FGGY: variants seen among roughly 807,000 people sequenced by gnomAD.
FGGY encodes FGGY carbohydrate kinase domain-containing protein.
FGGY carries 72 observed loss-of-function variants against 71.3 expected under a neutral mutation model. The ratio of observed to expected loss-of-function variants is 1.01; its 90% confidence interval spans 0.84 to 1.23. The LOEUF (loss-of-function observed/expected upper bound fraction) is 1.23. Among genes scored for constraint, FGGY ranks in the 50% most tolerant of loss-of-function variants. The pLI is 0.00. For missense variants in FGGY, 668 were observed against 682.3 expected (o/e 0.98, Z 0.23); for synonymous variants, 251 against 250.3 (o/e 1.00, Z -0.02).
intron 5 of FGGY, among the ~76,000 whole-genome samples, chr1:59,427,038 G>C (rs1017824323): frequency 3.9e-5 from 6 of 152,168 alleles, no homozygotes; most frequent in Non-Finnish European, 8.8e-5. Context: ...CTGCAAACAG[G>C]ATAAGCCTGA....
chr1:59,534,695 G>T (rs1287980327), intron 7 of FGGY, among the ~76,000 whole-genome samples: 5 of 151,616 alleles, frequency 3.3e-5, no homozygotes, highest in Non-Finnish European at 7.4e-5. Flanking sequence ...TTAAAGAAAA[G>T]AATTTTCAAC....
chr1:59,597,005 C>A (rs546961345), intron 8 of FGGY, among the ~76,000 whole-genome samples: 13 of 152,266 alleles, frequency 8.5e-5, no homozygotes, highest in Admixed American at 5.9e-4. Context: ...TTGATAAACA[C>A]CTCTCAGTTC....
intron 11 of FGGY, among the ~76,000 whole-genome samples, chr1:59,648,647 T>C (rs1291916969): frequency 4.7e-5 from 7 of 150,476 alleles, no homozygotes; most frequent in Admixed American, 2.0e-4. Context: ...TTCTGGATAT[T>C]AGCCCTTTGT....
chr1:59,548,215 G>A lies in FGGY; in HGVS notation c.800-5909G>A, dbSNP rs642684. Among the ~76,000 whole-genome samples, 1,098 of 152,256 alleles carry A rather than the reference G, an allele frequency of 7.2e-3. 21 individuals are homozygous for A. The highest frequency in any genetic ancestry group is 0.026 in the African/African-American group (1,060 of 41,538). On this transcript the variant is annotated intron_variant, in intron 7 of 15. Coordinates refer to ENST00000303721, the MANE Select transcript of FGGY (RefSeq NM_018291.5). Reference sequence around the variant, plus strand: ...GTGTTCCCCAGGATTGTTATGGGATGAGGTGTATTGGTGGAAAGGATATCC... The same window carrying A: ...GTGTTCCCCAGGATTGTTATGGGATAAGGTGTATTGGTGGAAAGGATATCC...
intron 14 of FGGY, among the ~76,000 whole-genome samples, chr1:59,737,831 A>G (rs2098118270): frequency 6.6e-6 from 1 of 152,264 alleles, no homozygotes; most frequent in East Asian, 1.9e-4. Flanking sequence ...AAATGTGAGG[A>G]CATGTGATTT....
intron 3 of FGGY, among the ~76,000 whole-genome samples, chr1:59,345,426 T>A (rs1377261856): frequency 6.6e-6 from 1 of 151,866 alleles, no homozygotes; most frequent in East Asian, 1.9e-4. Flanking sequence ...GGGAGAGAGA[T>A]AAGGAGTTAC....
At position 59,759,467 on chromosome 1, in the gene FGGY, G is replaced by C. The variant is rs543124393; in HGVS notation, c.1574+1475G>C. On this transcript the variant is annotated intron_variant, in intron 15 of 15. Coordinates refer to ENST00000303721, the MANE Select transcript of FGGY (RefSeq NM_018291.5). The stretch of plus-strand genomic sequence containing the variant: ...GAGCATCCCTCTTTTTGTGAAATTA[G>C]AAAGATTGTCTTTCTCCATCTCTTC... Among the ~76,000 whole-genome samples the C allele has an allele frequency of 2.6e-5, 4 of 152,294 alleles. No homozygotes were observed. The East Asian group carries it at 7.7e-4, about 29-fold the overall frequency.
intron 9 of FGGY, among the ~76,000 whole-genome samples, chr1:59,611,918 A>G (rs1043691240): frequency 6.6e-6 from 1 of 152,258 alleles, no homozygotes; most frequent in African/African-American, 2.4e-5. Context: ...GATCAAATGA[A>G]TGAAATGAAG....
chr1:59,532,579 T>C (rs2095176735), intron 7 of FGGY, among the ~76,000 whole-genome samples: 1 of 152,224 alleles, frequency 6.6e-6, no homozygotes, highest in Non-Finnish European at 1.5e-5. Context: ...AACAGTTGTT[T>C]ACAAATGCTT....
intron 14 of FGGY, among the ~76,000 whole-genome samples, chr1:59,683,436 T>C (rs1162759791): frequency 6.6e-6 from 1 of 152,206 alleles, no homozygotes; most frequent in African/African-American, 2.4e-5. Context: ...CTATGTTCTG[T>C]ATACATATGC....
Position 59,620,227 on chromosome 1 carries a change from T to C in FGGY, c.1012-5761T>C, listed in dbSNP as rs2096794571. Among the ~76,000 whole-genome samples the C allele has an allele frequency of 2.6e-5, 4 of 152,096 alleles. No individual in the cohort carries two copies. The South Asian group carries it at 6.2e-4, about 24-fold the overall frequency. On this transcript the variant is annotated intron_variant, in intron 9 of 15. Transcript: ENST00000303721. Reference sequence around the variant, plus strand: ...TAAAGCCAAAAAATAAAATAAAAAATTAGGATTAATTCTTGACTCTTCCTT... The same window carrying C: ...TAAAGCCAAAAAATAAAATAAAAAACTAGGATTAATTCTTGACTCTTCCTT...
chr1:59,646,504 T>C (rs1357290262), intron 11 of FGGY, among the ~76,000 whole-genome samples: 1 of 149,916 alleles, frequency 6.7e-6, no homozygotes, highest in Non-Finnish European at 1.5e-5. Context: ...TATTTTTTAT[T>C]TGTATATTTA....
chr1:59,472,394 G>A (rs2093000061), intron 6 of FGGY, among the ~76,000 whole-genome samples: 1 of 152,296 alleles, frequency 6.6e-6, no homozygotes. Flanking sequence ...TGTGGGGCCC[G>A]AGCCTCCCTG....
At chr1:59,374,913 T>G (rs1455106643) in intron 4 of FGGY, among the ~76,000 whole-genome samples, 45 of 14,822 alleles carry the variant, frequency 3.0e-3, no homozygotes, top group Admixed American at 4.4e-3. Context: ...TGTTGTGGGG[T>G]GGGGGGAGGG....
intron 4 of FGGY, among the ~76,000 whole-genome samples, chr1:59,371,047 C>T (rs1368041537): frequency 1.3e-5 from 2 of 151,700 alleles, no homozygotes; most frequent in Non-Finnish European, 2.9e-5. Flanking sequence ...ATCAAATTCA[C>T]ACATAACAAT....
intron 4 of FGGY, among the ~76,000 whole-genome samples, chr1:59,369,652 G>A (rs1206195697): frequency 6.6e-6 from 1 of 152,166 alleles, no homozygotes; most frequent in African/African-American, 2.4e-5. Flanking sequence ...AGCCTAACTG[G>A]GAGGCACCCC....
intron 4 of FGGY, among the ~76,000 whole-genome samples, chr1:59,366,470 T>C (rs2056612519): frequency 6.6e-6 from 1 of 152,116 alleles, no homozygotes; most frequent in Admixed American, 6.5e-5. Flanking sequence ...TCCCAAACCC[T>C]TTCCCCGCTC....
intron 14 of FGGY, among the ~76,000 whole-genome samples, chr1:59,736,846 C>G (rs1450976806): frequency 6.6e-6 from 1 of 152,230 alleles, no homozygotes; most frequent in Non-Finnish European, 1.5e-5. Flanking sequence ...GAACGTTAAT[C>G]CCCAAGACAA....
intron 5 of FGGY, among the ~76,000 whole-genome samples, chr1:59,452,067 C>A (rs1296627226): frequency 6.6e-6 from 1 of 151,068 alleles, no homozygotes; most frequent in African/African-American, 2.4e-5. Flanking sequence ...GTATCTCCCT[C>A]ATTTGTTCTT....
Sources: allele counts gnomAD v4.1 joint callset (sites outside exome capture counted in the v4.1 genomes callset), GRCh38; gene constraint gnomAD v4.1.1; transcripts MANE v1.5; gene names NCBI Gene and HGNC (gene_info 2026-07-23, HGNC 2026-07-21).